Variants in ERC2 observed in about 807,000 individuals in gnomAD.
The protein encoded by ERC2 is ERC protein 2.
Under a neutral mutation model 114.8 loss-of-function variants are expected in ERC2, and 42 were observed. That is an observed-to-expected ratio of 0.37 (90% CI 0.29 to 0.47). ERC2 has a LOEUF of 0.47. ERC2 is among the 20% of genes least tolerant of loss of function. ERC2 has a pLI of 0.99. For missense variants in ERC2, 939 were observed against 1,150.7 expected (o/e 0.82, Z 2.66); for synonymous variants, 454 against 425.5 (o/e 1.07, Z -0.82).
At chr3:55,514,727 T>C (rs1226125576) in intron 17 of ERC2, among the ~76,000 whole-genome samples, 2 of 152,204 alleles carry the variant, frequency 1.3e-5, no homozygotes, top group Non-Finnish European at 2.9e-5. Flanking sequence ...CCGAAGGAGC[T>C]TGAAGGTGGA....
At chr3:56,363,170 G>C (rs957324956) in intron 2 of ERC2, among the ~76,000 whole-genome samples, 1 of 152,214 alleles carries the variant, frequency 6.6e-6, no homozygotes, top group Non-Finnish European at 1.5e-5. Context: ...GGAATGCAAT[G>C]AGAAATAGAT....
chr3:56,042,993 T>C (rs1473039018), intron 7 of ERC2, among the ~76,000 whole-genome samples: 3 of 152,326 alleles, frequency 2.0e-5, no homozygotes, highest in South Asian at 2.1e-4. Context: ...AAATATTTTA[T>C]GATTTCAAAA....
chr3:55,609,573 C>T (rs982924431), intron 17 of ERC2, among the ~76,000 whole-genome samples: 1 of 152,134 alleles, frequency 6.6e-6, no homozygotes, highest in African/African-American at 2.4e-5. Context: ...CCTGTCGCTT[C>T]ATGCTGCGAG....
At chr3:55,840,335 A>G (rs1487509151) in intron 14 of ERC2, among the ~76,000 whole-genome samples, 1 of 152,058 alleles carries the variant, frequency 6.6e-6, no homozygotes, top group African/African-American at 2.4e-5. Flanking sequence ...ACATTTCACC[A>G]AAGAATCTAA....
chr3:56,234,296 T>A (rs1429744333), intron 3 of ERC2, among the ~76,000 whole-genome samples: 1 of 152,184 alleles, frequency 6.6e-6, no homozygotes, highest in Non-Finnish European at 1.5e-5. Context: ...CCAAAGCAAC[T>A]GCCTTAATAG....
chr3:56,415,270 A>G (rs1051939778), intron 2 of ERC2, among the ~76,000 whole-genome samples: 1 of 152,256 alleles, frequency 6.6e-6, no homozygotes, highest in Admixed American at 6.5e-5. Flanking sequence ...GGATGGATGG[A>G]TAGATAGACA....
chr3:55,516,175 G>C (rs909467552), intron 17 of ERC2, among the ~76,000 whole-genome samples: 2 of 151,836 alleles, frequency 1.3e-5, no homozygotes, highest in African/African-American at 2.4e-5. Context: ...TGGGGGCAGC[G>C]GGCATCCTGC....
At chr3:55,608,936 G>T (rs1388882262) in intron 17 of ERC2, among the ~76,000 whole-genome samples, 7 of 151,198 alleles carry the variant, frequency 4.6e-5, no homozygotes, top group African/African-American at 1.5e-4. Context: ...TGAGACTTTA[G>T]AAGCTAAACT....
chr3:55,934,723 G>A (rs1293349748), intron 13 of ERC2, among the ~76,000 whole-genome samples: 1 of 152,168 alleles, frequency 6.6e-6, no homozygotes, highest in Non-Finnish European at 1.5e-5. Flanking sequence ...GATAATTTAG[G>A]CCTTTAAGGA....
chr3:55,948,705 C>G (rs573971287), intron 13 of ERC2, among the ~76,000 whole-genome samples: 6 of 152,272 alleles, frequency 3.9e-5, no homozygotes, highest in Non-Finnish European at 1.5e-5. Context: ...TACAAAAGTT[C>G]ATGGGCCAAA....
chr3:56,050,657 GGAA>G (rs2075720847), intron 7 of ERC2, among the ~76,000 whole-genome samples: 1 of 152,004 alleles, frequency 6.6e-6, no homozygotes, highest in Admixed American at 6.6e-5. Flanking sequence ...CCTTGACAAG[GGAA>G]GAGTCCTCCC....
rs56769876 is a variant in ERC2, at chr3:56,239,767, C to T, written c.1074+56252G>A. ...AAGAAACAGCTTTCCCCCTTCTGAT[C>T]GGAGGCATAAATAATATTTCTGTAG... On this transcript the variant is annotated intron_variant, in intron 3 of 17. Coordinates refer to ENST00000288221, the MANE Select transcript of ERC2 (RefSeq NM_015576.3). Among the ~76,000 whole-genome samples, 70 of 152,272 alleles carry T rather than the reference C, an allele frequency of 4.6e-4. No homozygotes were observed. The East Asian group carries it at 5.0e-3, about 11-fold the overall frequency.
chr3:56,275,664 GA>G (rs1310125434), intron 3 of ERC2, among the ~76,000 whole-genome samples: 1 of 152,190 alleles, frequency 6.6e-6, no homozygotes, highest in Non-Finnish European at 1.5e-5. Flanking sequence ...TCTAATTCCA[GA>G]GGCCTGGGAC....
chr3:56,083,671 A>C (rs2077355826), intron 6 of ERC2, among the ~76,000 whole-genome samples: 1 of 152,198 alleles, frequency 6.6e-6, no homozygotes, highest in Non-Finnish European at 1.5e-5. Context: ...CCTGGGAACT[A>C]AATTACCTTA....
Position 55,888,558 on chromosome 3 carries a change from C to T in ERC2, c.2404-9G>A. On this transcript the variant is annotated splice_polypyrimidine_tract_variant and intron_variant, in intron 13 of 17. Coordinates refer to ENST00000288221, the MANE Select transcript of ERC2 (RefSeq NM_015576.3). ...TTCATCAGTTCCTCTATCTGAAAGG[C>T]ACATGGAGCTCTGTGTGTTATTTCT... is the stretch of plus-strand genomic sequence containing the variant. 6.2e-7 allele frequency: 1 copy of T among 1,613,542 alleles called. No individual in the cohort carries two copies. Among genetic ancestry groups the T allele is most frequent in the Admixed American group, 1.7e-5 (1 of 60,004 alleles).
chr3:56,254,499 G>C lies in ERC2; in HGVS notation c.1074+41520C>G, dbSNP rs150231122. On this transcript the variant is annotated intron_variant, in intron 3 of 17. Transcript: ENST00000288221. ...TGTTAAGGAGGAGGCCCCACCTCTG[G>C]CTCATTTTTCTTTCCTTACCTTGCT... Among the ~76,000 whole-genome samples, 1,176 of 152,242 alleles carry C rather than the reference G, an allele frequency of 7.7e-3. 12 individuals are homozygous for C. Among genetic ancestry groups the C allele is most frequent in the African/African-American group, 0.027 (1,104 of 41,558 alleles).
intron 2 of ERC2, among the ~76,000 whole-genome samples, chr3:56,386,630 G>A (rs900644429): frequency 3.9e-5 from 6 of 151,966 alleles, no homozygotes; most frequent in Admixed American, 1.3e-4. Context: ...TTATAAGCAG[G>A]GCTTGGGACC....
intron 7 of ERC2, among the ~76,000 whole-genome samples, chr3:56,076,278 A>T (rs1047148750): frequency 2.0e-5 from 3 of 152,150 alleles, no homozygotes; most frequent in Non-Finnish European, 4.4e-5. Context: ...GTCCAATTTT[A>T]ATGGGTTTAA....
intron 2 of ERC2, among the ~76,000 whole-genome samples, chr3:56,396,049 C>T (rs7624253): frequency 0.02 from 3,032 of 152,184 alleles, 102 homozygotes; most frequent in African/African-American, 0.068. Context: ...GATAAAAAGA[C>T]CAGGATTGGA....
Sources: gnomAD v4.1 joint callset for allele counts (sites outside exome capture counted in the v4.1 genomes callset) on GRCh38, gnomAD v4.1.1 for gene constraint, MANE v1.5 for transcripts, NCBI Gene and HGNC (gene_info 2026-07-23, HGNC 2026-07-21) for gene names.